The following RANBP2 variants were observed in gnomAD, a reference collection of about 807,000 sequenced individuals.
RANBP2 encodes the protein RAN binding protein 2.
Under a neutral mutation model 303.6 loss-of-function variants are expected in RANBP2, and 57 were observed. The observed-to-expected ratio is 0.19, with a 90% CI of 0.15 to 0.23. The LOEUF is 0.23. Ranked by LOEUF, RANBP2 falls within the 10% of genes least tolerant of loss-of-function variation. The pLI is 1.00. For missense variants in RANBP2, 3,138 were observed against 3,780.8 expected, an observed-to-expected ratio of 0.83 and a Z score of 4.46; for synonymous variants, 1,167 against 1,301.5, an observed-to-expected ratio of 0.90 and a Z score of 2.23.
intron 7 of RANBP2, among the ~76,000 whole-genome samples, chr2:108,744,213 G>C (rs1428430282): frequency 2.0e-5 from 3 of 152,186 alleles, no homozygotes; most frequent in African/African-American, 7.2e-5. Flanking sequence ...AGACCATCCT[G>C]ACCAACATGG....
At chr2:109,237,729 G>C in the RANBP2 span, among the ~76,000 whole-genome samples, 1 of 152,108 alleles carries the variant, frequency 6.6e-6, no homozygotes, top group Non-Finnish European at 1.5e-5. Flanking sequence ...TTAAATGCCC[G>C]TGTCTTTGAT....
the RANBP2 span, among the ~76,000 whole-genome samples, chr2:109,284,776 T>G: frequency 6.6e-6 from 1 of 151,750 alleles, no homozygotes. Flanking sequence ...GTGTGTGGAG[T>G]GTGTGTGCTT....
chr2:109,646,661 T>C, the RANBP2 span, among the ~76,000 whole-genome samples: 1 of 146,984 alleles, frequency 6.8e-6, no homozygotes, highest in Admixed American at 6.9e-5. Context: ...CTGGCTATTT[T>C]TTTTTTTTTT....
chr2:109,536,109 G>C, the RANBP2 span, among the ~76,000 whole-genome samples: 1 of 152,006 alleles, frequency 6.6e-6, no homozygotes, highest in Non-Finnish European at 1.5e-5. Flanking sequence ...GAGAAATGTG[G>C]GGTCAGAGCC....
the RANBP2 span, among the ~76,000 whole-genome samples, chr2:108,968,884 G>A: frequency 6.6e-6 from 1 of 152,212 alleles, no homozygotes; most frequent in African/African-American, 2.4e-5. Flanking sequence ...AGTCACGGTA[G>A]GGTTACATGT....
the RANBP2 span, among the ~76,000 whole-genome samples, chr2:108,866,266 T>C: frequency 6.6e-6 from 1 of 152,324 alleles, no homozygotes; most frequent in African/African-American, 2.4e-5. Flanking sequence ...AGGATACTTG[T>C]GATTGTAGTT....
At chr2:109,629,302 GATATATATATATATATATATATATATAT>G in the RANBP2 span, among the ~76,000 whole-genome samples, 548 of 77,652 alleles carry the variant, frequency 7.1e-3, 17 homozygotes, top group East Asian at 0.038. Flanking sequence ...CTGGCCTAAA[GATATATATATATATATATATATATATAT>G]ATATATATAT....
chr2:109,120,615 C>T, the RANBP2 span, among the ~76,000 whole-genome samples: 2 of 147,748 alleles, frequency 1.4e-5, no homozygotes, highest in African/African-American at 5.0e-5. Flanking sequence ...TGTGGTGAGC[C>T]GAGATCGCGC....
the RANBP2 span, among the ~76,000 whole-genome samples, chr2:109,318,554 C>T: frequency 5.3e-5 from 8 of 152,182 alleles, no homozygotes; most frequent in Admixed American, 2.0e-4. Context: ...TTTGTCCTTG[C>T]GGGTGTGTTG....
At chr2:108,742,636 G>T (rs1696205976) in intron 7 of RANBP2, among the ~76,000 whole-genome samples, 1 of 152,106 alleles carries the variant, frequency 6.6e-6, no homozygotes, top group African/African-American at 2.4e-5. Context: ...TTGATAGACA[G>T]TTCACATGTT....
chr2:109,348,939 C>T, the RANBP2 span, among the ~76,000 whole-genome samples: 2 of 152,204 alleles, frequency 1.3e-5, no homozygotes, highest in Non-Finnish European at 2.9e-5. Flanking sequence ...GTCGGCCTCA[C>T]TGTATTTTAG....
At position 108,764,625 on chromosome 2, in the gene RANBP2, A is replaced by G. The variant is rs1465606255; in HGVS notation, c.4086A>G (p.Ser1362=). 1.2e-6 allele frequency: 2 copies of G among 1,613,980 alleles called. No homozygotes were observed. Among genetic ancestry groups the G allele is most frequent in the South Asian group, 2.2e-5 (2 of 91,092 alleles). ...CTTGGTGGCATTGTAACAGCTGCTC[A>G]TTAAAGAATGCTTCAACTGCTAAGA... ...EGSWWHCNSC[S]LKNASTAKKC... is the part of the protein sequence containing the mutation. The change falls in exon 20 of 29, where the codon TCA becomes TCG. Residue 1362 remains serine (S), a synonymous_variant. Coordinates refer to ENST00000283195, the MANE Select transcript of RANBP2 (RefSeq NM_006267.5).
the RANBP2 span, chr2:108,813,041 A>G: frequency 2.7e-6 from 2 of 752,000 alleles, no homozygotes; most frequent in Admixed American, 5.4e-5. Context: ...CGATGTCAGG[A>G]GATCGAGACC....
At chr2:109,652,231 T>G in the RANBP2 span, among the ~76,000 whole-genome samples, 1 of 151,928 alleles carries the variant, frequency 6.6e-6, no homozygotes, top group Non-Finnish European at 1.5e-5. Context: ...TTGTTTGTTT[T>G]TTTTTTTTTG....
At chr2:109,443,843 A>G in the RANBP2 span, among the ~76,000 whole-genome samples, 2 of 152,246 alleles carry the variant, frequency 1.3e-5, no homozygotes. Context: ...AGTTAGATAT[A>G]AAATGGTAAA....
At chr2:109,656,753 G>A in the RANBP2 span, among the ~76,000 whole-genome samples, 1 of 152,208 alleles carries the variant, frequency 6.6e-6, no homozygotes, top group Non-Finnish European at 1.5e-5. Flanking sequence ...GCCCTTTGGC[G>A]TTAATGAATG....
chr2:108,737,335 CTTTTTTTTTTT>C (rs201427498), intron 6 of RANBP2, among the ~76,000 whole-genome samples: 2 of 117,074 alleles, frequency 1.7e-5, no homozygotes, highest in African/African-American at 8.2e-5. Flanking sequence ...TTCTTTCTTT[CTTTTTTTTTTT>C]TTTGTTTTTT....
chr2:108,934,321 T>G, the RANBP2 span, among the ~76,000 whole-genome samples: 5 of 152,134 alleles, frequency 3.3e-5, no homozygotes, highest in African/African-American at 1.2e-4. Context: ...GGTGGGCCAC[T>G]GGGCGCTGGG....
chr2:109,161,760 T>C, the RANBP2 span, among the ~76,000 whole-genome samples: 33 of 151,792 alleles, frequency 2.2e-4, no homozygotes, highest in Non-Finnish European at 4.4e-4. Flanking sequence ...GGGGAACTAG[T>C]AGAGCAAGAG....
Sources: gnomAD v4.1 joint callset for allele counts (sites outside exome capture counted in the v4.1 genomes callset) on GRCh38, gnomAD v4.1.1 for gene constraint, MANE v1.5 for transcripts, NCBI Gene and HGNC (gene_info 2026-07-23, HGNC 2026-07-21) for gene names.